Variants in ACOXL observed in about 807,000 individuals in gnomAD.
ACOXL encodes acyl-CoA oxidase like.
Under a neutral mutation model 71.9 loss-of-function variants are expected in ACOXL, and 70 were observed. The ratio of observed to expected loss-of-function variants is 0.97; its 90% CI spans 0.80 to 1.19. The LOEUF is 1.19. Ranked by LOEUF, ACOXL falls within the 50% of genes most tolerant of loss-of-function variation. The pLI is 0.00. For missense variants in ACOXL, 703 were observed against 736.3 expected (o/e 0.95, Z 0.52); for synonymous variants, 253 against 281.6 (o/e 0.90, Z 1.02).
intron 14 of ACOXL, among the ~76,000 whole-genome samples, chr2:111,017,134 GT>G (rs2064485615): frequency 6.6e-6 from 1 of 152,218 alleles, no homozygotes; most frequent in Admixed American, 6.5e-5. Context: ...GTTTCTTGAA[GT>G]TCCCCCCTGA....
chr2:110,881,330 A>C (rs550283838), intron 10 of ACOXL, among the ~76,000 whole-genome samples: 1 of 152,160 alleles, frequency 6.6e-6, no homozygotes, highest in Non-Finnish European at 1.5e-5. Context: ...GAAATTATTA[A>C]ATTATTTGTG....
intron 10 of ACOXL, among the ~76,000 whole-genome samples, chr2:110,886,054 A>G (rs920041990): frequency 6.6e-6 from 1 of 152,162 alleles, no homozygotes. Context: ...GTCCAGAAGT[A>G]TATTTTTGGG....
At chr2:110,963,760 T>C (rs1247222361) in intron 12 of ACOXL, 1 of 1,607,272 alleles carries the variant, frequency 6.2e-7, no homozygotes, top group Admixed American at 1.7e-5. Context: ...TCCAGAAGTC[T>C]GAAGTGTTTC....
intron 12 of ACOXL, among the ~76,000 whole-genome samples, chr2:110,976,709 G>T (rs2062460453): frequency 6.6e-6 from 1 of 152,202 alleles, no homozygotes; most frequent in East Asian, 1.9e-4. Flanking sequence ...CAGGAAGTCA[G>T]AGGGGTCAAA....
At chr2:110,955,969 C>T (rs2341916) in intron 12 of ACOXL, among the ~76,000 whole-genome samples, 70,596 of 136,466 alleles carry the variant, frequency 0.52, 18,141 homozygotes, top group Middle Eastern at 0.64. Context: ...GATGGAGTCT[C>T]GCTCTGTTGC....
chr2:111,061,036 C>T (rs1441734897), intron 16 of ACOXL, among the ~76,000 whole-genome samples: 3 of 151,924 alleles, frequency 2.0e-5, no homozygotes, highest in Admixed American at 1.3e-4. Context: ...GGGACTATAA[C>T]AAAAACTAAA....
intron 11 of ACOXL, among the ~76,000 whole-genome samples, chr2:110,909,947 C>T (rs1335023545): frequency 6.6e-6 from 1 of 152,014 alleles, no homozygotes; most frequent in Non-Finnish European, 1.5e-5. Flanking sequence ...GCACTTGCTT[C>T]CACCGTCTCT....
chr2:110,741,312 C>A (rs1677506115), intron 1 of ACOXL, among the ~76,000 whole-genome samples: 1 of 152,142 alleles, frequency 6.6e-6, no homozygotes, highest in Non-Finnish European at 1.5e-5. Context: ...TGGGTGTCGG[C>A]AGGGTTGGTT....
At chr2:110,744,915 A>G (rs1342814908) in intron 1 of ACOXL, among the ~76,000 whole-genome samples, 3 of 152,308 alleles carry the variant, frequency 2.0e-5, no homozygotes, top group South Asian at 2.1e-4. Flanking sequence ...GAAGTGGCCC[A>G]TGGAGGCAGA....
intron 14 of ACOXL, among the ~76,000 whole-genome samples, chr2:111,002,766 T>C (rs1275597069): frequency 1.3e-5 from 2 of 152,216 alleles, no homozygotes; most frequent in Admixed American, 6.5e-5. Context: ...ATATTTTTTA[T>C]TTTATTAATA....
intron 17 of ACOXL, chr2:111,098,910 A>G (rs2068960636): frequency 6.6e-6 from 1 of 152,232 alleles, no homozygotes; most frequent in African/African-American, 2.4e-5. Flanking sequence ...CTTAAAAATT[A>G]TCTCATTTCA....
intron 10 of ACOXL, among the ~76,000 whole-genome samples, chr2:110,876,531 T>A (rs1695926446): frequency 6.6e-6 from 1 of 152,270 alleles, no homozygotes; most frequent in East Asian, 1.9e-4. Context: ...TGCATCACAC[T>A]GTGTGCAGCT....
chr2:111,005,889 G>A (rs1045364751), intron 14 of ACOXL, among the ~76,000 whole-genome samples: 2 of 152,144 alleles, frequency 1.3e-5, no homozygotes, highest in African/African-American at 4.8e-5. Context: ...AGTGCTGGTC[G>A]GTTTGTACTG....
At chr2:110,875,111 G>A (rs1168901249) in intron 10 of ACOXL, among the ~76,000 whole-genome samples, 1 of 152,164 alleles carries the variant, frequency 6.6e-6, no homozygotes, top group African/African-American at 2.4e-5. Context: ...TCTGCACGCA[G>A]GCCAATGACG....
At chr2:111,073,571 A>T (rs2067445866) in intron 16 of ACOXL, among the ~76,000 whole-genome samples, 2 of 152,128 alleles carry the variant, frequency 1.3e-5, no homozygotes, top group African/African-American at 4.8e-5. Flanking sequence ...ATATTTGGAC[A>T]TATTTGTGTA....
intron 10 of ACOXL, among the ~76,000 whole-genome samples, chr2:110,877,572 T>G (rs1164414093): frequency 1.3e-5 from 2 of 152,212 alleles, no homozygotes; most frequent in Non-Finnish European, 2.9e-5. Context: ...GCCACTGGGT[T>G]GATGCAGCTC....
chr2:110,874,447 C>T (rs1311467778), intron 10 of ACOXL, among the ~76,000 whole-genome samples: 1 of 152,204 alleles, frequency 6.6e-6, no homozygotes, highest in Non-Finnish European at 1.5e-5. Flanking sequence ...CAGACAAAGG[C>T]AGGTCCCTGG....
At chr2:111,059,208 G>A (rs773266103) in intron 16 of ACOXL, among the ~76,000 whole-genome samples, 7 of 152,178 alleles carry the variant, frequency 4.6e-5, no homozygotes, top group Non-Finnish European at 8.8e-5. Flanking sequence ...CTGTACTCTA[G>A]CCTGGGCAAT....
chr2:111,069,712 G>T (rs1011844746), intron 16 of ACOXL, among the ~76,000 whole-genome samples: 2 of 151,880 alleles, frequency 1.3e-5, no homozygotes, highest in Non-Finnish European at 2.9e-5. Context: ...ACCCAATTTT[G>T]GATTTTAAAA....
Sources: gnomAD v4.1 joint callset for allele counts (sites outside exome capture counted in the v4.1 genomes callset) on GRCh38, gnomAD v4.1.1 for gene constraint, MANE v1.5 for transcripts, NCBI Gene and HGNC (gene_info 2026-07-23, HGNC 2026-07-21) for gene names.